Variants in PAQR5 observed in about 807,000 individuals in gnomAD.
PAQR5 encodes progestin and adipoQ receptor family member 5, also known as membrane progestin receptor gamma.
A neutral mutation model predicts 34.5 loss-of-function variants in PAQR5; 20 were observed. The ratio of observed to expected loss-of-function variants is 0.58; its 90% CI spans 0.41 to 0.84. The LOEUF is 0.84. PAQR5 is among the 40% of genes least tolerant of loss of function. PAQR5 has a pLI of 0.00. For synonymous variants in PAQR5, 131 were observed against 155.6 expected, an observed-to-expected ratio of 0.84 and a Z score of 1.18; for missense variants, 378 against 412.7, an observed-to-expected ratio of 0.92 and a Z score of 0.73.
At chr15:69,375,498 G>C (rs1181885201) in intron 3 of PAQR5, among the ~76,000 whole-genome samples, 11 of 152,170 alleles carry the variant, frequency 7.2e-5, no homozygotes, top group Non-Finnish European at 5.9e-5. Context: ...TAACGAAGAA[G>C]AATCTAAGGC....
At chr15:69,322,209 G>A (rs908155785) in intron 1 of PAQR5, among the ~76,000 whole-genome samples, 1 of 149,448 alleles carries the variant, frequency 6.7e-6, no homozygotes, top group African/African-American at 2.5e-5. Flanking sequence ...CGGGTGCAGT[G>A]GCTCATGTCT....
intron 1 of PAQR5, among the ~76,000 whole-genome samples, chr15:69,307,210 T>C (rs1307060250): frequency 1.3e-5 from 2 of 152,142 alleles, no homozygotes; most frequent in Admixed American, 6.5e-5. Context: ...ATTTTGTTTA[T>C]CATTTGTTTC....
intron 3 of PAQR5, among the ~76,000 whole-genome samples, chr15:69,366,669 A>G (rs2055411817): frequency 6.6e-6 from 1 of 152,210 alleles, no homozygotes; most frequent in African/African-American, 2.4e-5. Flanking sequence ...TAAATAATGT[A>G]TAGTCTCCAG....
chr15:69,395,452 C>A lies in PAQR5; in HGVS notation c.513-2016C>A, dbSNP rs998667259. On this transcript the variant is annotated intron_variant, in intron 6 of 8. Coordinates refer to ENST00000395407, the MANE Select transcript of PAQR5 (RefSeq NM_017705.4). ...CCTATTATCTGGACCAACATAGATA[C>A]AAGGTGGGGATGGGGAGAGAATGGA... 3.3e-5 allele frequency among the ~76,000 whole-genome samples: 5 copies of A among 152,200 alleles called. No homozygotes were observed. In the East Asian group the frequency reaches 7.7e-4, roughly 23 times the overall value.
intron 1 of PAQR5, among the ~76,000 whole-genome samples, chr15:69,317,367 A>T (rs2053978228): frequency 6.6e-6 from 1 of 152,062 alleles, no homozygotes; most frequent in South Asian, 2.1e-4. Flanking sequence ...CACTTACAAG[A>T]CATGCCCTTT....
chr15:69,404,346 T>G lies in PAQR5; in HGVS notation c.*524T>G, dbSNP rs2056721198. 1 of 154,612 alleles carries G rather than the reference T, an allele frequency of 6.5e-6. No individual in the cohort carries two copies. Among genetic ancestry groups the G allele is most frequent in the South Asian group, 2.0e-4 (1 of 4,986 alleles). The allele number at this position is 154,612 out of a possible 1,614,324, so 9.6% of individuals were successfully genotyped here. A position where few individuals can be genotyped will look rare whatever the true frequency, so the allele number is the denominator to read the frequency against. ...CAAAACATTCCAGAATGAAGAGAGCTGTCTGGGGAGAGCCCTTCTTCCCTT... is the reference window on the plus strand; with the variant it reads ...CAAAACATTCCAGAATGAAGAGAGCGGTCTGGGGAGAGCCCTTCTTCCCTT... On this transcript the variant is annotated 3_prime_UTR_variant, in exon 9 of 9. Transcript: ENST00000395407.
intron 6 of PAQR5, among the ~76,000 whole-genome samples, chr15:69,396,659 T>C (rs1333683787): frequency 6.6e-6 from 1 of 152,138 alleles, no homozygotes; most frequent in Admixed American, 6.5e-5. Flanking sequence ...AGGGCTGTGA[T>C]TTTGTGCAGA....
intron 1 of PAQR5, among the ~76,000 whole-genome samples, chr15:69,332,146 G>C (rs748993403): frequency 1.3e-5 from 2 of 152,192 alleles, no homozygotes; most frequent in Non-Finnish European, 2.9e-5. Context: ...ATAGAAAAAA[G>C]GATTTGTGAG....
rs1055341315 is a variant in PAQR5, at chr15:69,385,225, T to G, written c.385+343T>G. Among the ~76,000 whole-genome samples, 1 of 152,200 alleles carries G rather than the reference T, an allele frequency of 6.6e-6. No homozygotes were observed. The highest frequency in any genetic ancestry group is 2.4e-5 in the African/African-American group (1 of 41,448). Reference sequence around the variant, plus strand: ...TATGCGTAGCACACTATTACAGAAATTCCACCATGCAGATACAGTAGATGT... The same window carrying G: ...TATGCGTAGCACACTATTACAGAAAGTCCACCATGCAGATACAGTAGATGT... On this transcript the variant is annotated intron_variant, in intron 5 of 8. Coordinates refer to ENST00000395407, the MANE Select transcript of PAQR5 (RefSeq NM_017705.4). This position sits in a 1 kb window ranked among gnomAD's most constrained non-coding sequence, Gnocchi z 4.7.
At chr15:69,315,444 A>G (rs2053924668) in intron 1 of PAQR5, among the ~76,000 whole-genome samples, 1 of 152,130 alleles carries the variant, frequency 6.6e-6, no homozygotes, top group Non-Finnish European at 1.5e-5. Context: ...ATCCTTGAAG[A>G]CCCAAGGGAA....
At chr15:69,381,252 C>T (rs998461637) in intron 4 of PAQR5, among the ~76,000 whole-genome samples, 1 of 152,236 alleles carries the variant, frequency 6.6e-6, no homozygotes, top group African/African-American at 2.4e-5. Context: ...CCAGGGGGAC[C>T]TGCTTCCTAT....
At chr15:69,301,789 A>T (rs1167440745) in intron 1 of PAQR5, among the ~76,000 whole-genome samples, 1 of 149,584 alleles carries the variant, frequency 6.7e-6, no homozygotes, top group Non-Finnish European at 1.5e-5. Context: ...CAGAAGGTTT[A>T]CAAGACATGT....
intron 1 of PAQR5, among the ~76,000 whole-genome samples, chr15:69,335,101 G>C (rs1000789832): frequency 6.6e-6 from 1 of 151,722 alleles, no homozygotes; most frequent in African/African-American, 2.4e-5. Flanking sequence ...GCAGGTGCCT[G>C]TAATCCCAGC....
At chr15:69,375,989 G>A (rs1595910433) in intron 3 of PAQR5, among the ~76,000 whole-genome samples, 1 of 152,334 alleles carries the variant, frequency 6.6e-6, no homozygotes, top group Middle Eastern at 3.4e-3. Context: ...GCTAGCAGGT[G>A]CATGCAAGTC....
intron 7 of PAQR5, chr15:69,397,847 C>G (rs1450801014): frequency 1.8e-5 from 8 of 456,870 alleles, no homozygotes; most frequent in African/African-American, 9.8e-5. Flanking sequence ...TCTGATATAT[C>G]TTTCTTTCCC....
chr15:69,350,087 C>T (rs145568252), intron 2 of PAQR5, among the ~76,000 whole-genome samples: 1 of 152,314 alleles, frequency 6.6e-6, no homozygotes, highest in Non-Finnish European at 1.5e-5. Flanking sequence ...GAAAAGCAGT[C>T]GCTTAATTGG....
chr15:69,379,919 C>T lies in PAQR5; in HGVS notation c.88C>T (p.His30Tyr). ...HEQGILFGYR[H>Y]PQSSATACIL... Reference sequence around the variant, plus strand: ...GCAAGGCATCCTGTTCGGCTACCGCCATCCACAGAGTTCTGCCACTGCCTG... The same window carrying T: ...GCAAGGCATCCTGTTCGGCTACCGCTATCCACAGAGTTCTGCCACTGCCTG... The change falls in exon 4 of 9, where the codon CAT (histidine) becomes TAT (tyrosine). Residue 30 changes from histidine (H) to tyrosine (Y), a missense_variant. Physicochemically the swap from His to Tyr is moderately conservative, Grantham distance 83 (BLOSUM62 2). Coordinates refer to ENST00000395407, the MANE Select transcript of PAQR5 (RefSeq NM_017705.4). 6.2e-7 allele frequency: 1 copy of T among 1,614,186 alleles called. No individual in the cohort carries two copies. The highest frequency in any genetic ancestry group is 1.7e-5 in the Admixed American group (1 of 60,034).
At chr15:69,318,655 T>C (rs2054008582) in intron 1 of PAQR5, among the ~76,000 whole-genome samples, 1 of 151,950 alleles carries the variant, frequency 6.6e-6, no homozygotes, top group Non-Finnish European at 1.5e-5. Flanking sequence ...TAGTCCCCCT[T>C]ATCTGCAAGG....
chr15:69,360,325 A>G (rs1339810934), intron 3 of PAQR5, among the ~76,000 whole-genome samples, 194 bp downstream of exon 3: 2 of 152,222 alleles, frequency 1.3e-5, no homozygotes, highest in Non-Finnish European at 2.9e-5. Context: ...AAGTATTCCC[A>G]AAGTTGTTTA....
Sources: allele counts gnomAD v4.1 joint callset (sites outside exome capture counted in the v4.1 genomes callset), GRCh38; gene constraint gnomAD v4.1.1; non-coding constraint Gnocchi (gnomAD v3.1); transcripts MANE v1.5; gene names NCBI Gene and HGNC (gene_info 2026-07-23, HGNC 2026-07-21).